The following DSCAM variants were observed in gnomAD, a reference collection of about 807,000 sequenced individuals.
DSCAM encodes the protein cell adhesion molecule DSCAM.
In DSCAM, 47 loss-of-function variants were observed where a neutral mutation model predicts 217.7. The observed-to-expected ratio is 0.22, with a 90% CI of 0.17 to 0.28. DSCAM has a LOEUF of 0.28. Ranked by LOEUF, DSCAM falls within the 10% of genes least tolerant of loss-of-function variation. DSCAM has a pLI of 1.00. For synonymous variants in DSCAM, 1,056 were observed against 1,015.3 expected, an observed-to-expected ratio of 1.04 and a Z score of -0.76; for missense variants, 2,080 against 2,618.3, an observed-to-expected ratio of 0.79 and a Z score of 4.49.
chr21:40,788,475 T>C (rs2091612241), intron 1 of DSCAM, among the ~76,000 whole-genome samples: 1 of 152,222 alleles, frequency 6.6e-6, no homozygotes, highest in Non-Finnish European at 1.5e-5. Context: ...AATGGGAACA[T>C]AAGCATGGCC....
intron 19 of DSCAM, among the ~76,000 whole-genome samples, chr21:40,131,662 C>T (rs150654107): frequency 3.9e-5 from 6 of 152,192 alleles, no homozygotes; most frequent in Admixed American, 1.3e-4. Flanking sequence ...TGGCCTCAAG[C>T]GATCCACCAC....
chr21:40,537,483 T>C (rs551631374), intron 3 of DSCAM, among the ~76,000 whole-genome samples: 97 of 152,300 alleles, frequency 6.4e-4, no homozygotes, highest in African/African-American at 2.2e-3. Flanking sequence ...ATAGGAATTA[T>C]ATTCCCCACC....
chr21:40,236,262 C>T (rs1419955995), intron 11 of DSCAM, among the ~76,000 whole-genome samples: 1 of 152,164 alleles, frequency 6.6e-6, no homozygotes, highest in Non-Finnish European at 1.5e-5. Flanking sequence ...AAAGAGGAAA[C>T]TTAATCAACA....
chr21:40,051,830 T>A (rs1181284417), intron 30 of DSCAM, 128 bp downstream of exon 30: 2 of 1,232,406 alleles, frequency 1.6e-6, no homozygotes, highest in Non-Finnish European at 2.2e-6. Flanking sequence ...TTAGGGATGT[T>A]ATTATACCCA....
Position 40,727,587 on chromosome 21 carries a change from A to G in DSCAM, c.44-18816T>C, listed in dbSNP as rs562018551. ...AGTCTCTTAGCTGTACCCTCAAAAT[A>G]TACCCTGCATCTGCCTTGTGCCATC... is the stretch of plus-strand genomic sequence containing the variant. On this transcript the variant is annotated intron_variant, in intron 1 of 32. Coordinates refer to ENST00000400454, the MANE Select transcript of DSCAM (RefSeq NM_001389.5). Among the ~76,000 whole-genome samples the G allele has an allele frequency of 9.9e-5, 15 of 152,138 alleles. No individual in the cohort carries two copies. The South Asian group carries it at 2.9e-3, about 29-fold the overall frequency.
At chr21:40,387,835 TTAGA>T (rs2075100693) in intron 3 of DSCAM, among the ~76,000 whole-genome samples, 2 of 152,036 alleles carry the variant, frequency 1.3e-5, no homozygotes, top group African/African-American at 4.8e-5. Context: ...GATACAAATA[TTAGA>T]TAAACAATAA....
rs947712955 is a variant in DSCAM, at chr21:40,167,111, TAA to T, written c.3018+105_3018+106del. The T allele has an allele frequency of 2.3e-5, 23 of 999,416 alleles. No homozygotes were observed. In the African/African-American group the frequency reaches 3.8e-4, roughly 16 times the overall value. 61.9% of individuals were successfully genotyped at this position (999,416 alleles called of 1,614,324 possible). On this transcript the variant is annotated intron_variant, in intron 16 of 32. Transcript: ENST00000400454. The stretch of plus-strand genomic sequence containing the variant: ...GGCTTTCAACTTAATTTTGAAAAAA[TAA>T]AAGTTTTGTAAAATTCGAGAGTCTT...
chr21:40,307,076 T>C (rs2074085763), intron 9 of DSCAM, among the ~76,000 whole-genome samples: 1 of 152,206 alleles, frequency 6.6e-6, no homozygotes, highest in East Asian at 1.9e-4. Context: ...TGGTCCTGGA[T>C]TCTTTTTGGA....
chr21:40,108,375 C>A (rs1448437050), intron 20 of DSCAM, among the ~76,000 whole-genome samples: 1 of 152,052 alleles, frequency 6.6e-6, no homozygotes, highest in African/African-American at 2.4e-5. Context: ...AGCTGAGAGC[C>A]AAATCAGGAA....
chr21:40,376,639 TATAG>T (rs1237463730), intron 3 of DSCAM, among the ~76,000 whole-genome samples: 1 of 50,626 alleles, frequency 2.0e-5, no homozygotes, highest in East Asian at 6.2e-4. Context: ...ATATATCTTA[TATAG>T]ATATCGATAT....
At chr21:40,051,351 T>C (rs2088927500) in intron 30 of DSCAM, among the ~76,000 whole-genome samples, 1 of 152,218 alleles carries the variant, frequency 6.6e-6, no homozygotes, top group Admixed American at 6.5e-5. Context: ...ATATTATGGA[T>C]GCAAATATTA....
intron 1 of DSCAM, among the ~76,000 whole-genome samples, chr21:40,717,901 C>CT (rs2090859416): frequency 6.6e-6 from 1 of 152,138 alleles, no homozygotes; most frequent in East Asian, 1.9e-4. Flanking sequence ...AAAGTAAACA[C>CT]TGAGTAGACA....
At chr21:40,422,804 GAAGTA>G (rs2075437439) in intron 3 of DSCAM, among the ~76,000 whole-genome samples, 1 of 152,182 alleles carries the variant, frequency 6.6e-6, no homozygotes, top group Admixed American at 6.5e-5. Flanking sequence ...GTTTTTCCAA[GAAGTA>G]AAGGTCTTGC....
intron 16 of DSCAM, 41 bp downstream of exon 16, chr21:40,167,177 G>C (rs1298966525): frequency 1.9e-6 from 3 of 1,575,900 alleles, no homozygotes; most frequent in South Asian, 2.2e-5. Context: ...GGCTCGCCCT[G>C]GGGGGAAAGC....
intron 8 of DSCAM, among the ~76,000 whole-genome samples, chr21:40,337,498 T>A (rs2074440825): frequency 6.6e-6 from 1 of 152,234 alleles, no homozygotes; most frequent in Non-Finnish European, 1.5e-5. Flanking sequence ...TTATTGTTTT[T>A]TTCTGGTAAG....
At chr21:40,294,891 T>C (rs886177975) in intron 10 of DSCAM, among the ~76,000 whole-genome samples, 3 of 152,142 alleles carry the variant, frequency 2.0e-5, no homozygotes, top group African/African-American at 7.2e-5. Flanking sequence ...TGGTGTGTGG[T>C]GTGTGACAGG....
At chr21:40,040,522 CTGGG>C (rs1281160136) in intron 32 of DSCAM, among the ~76,000 whole-genome samples, 1 of 152,122 alleles carries the variant, frequency 6.6e-6, no homozygotes, top group Non-Finnish European at 1.5e-5. Flanking sequence ...AAGTACTTAA[CTGGG>C]TGACACACAA....
At chr21:40,572,022 A>G (rs2076810247) in intron 3 of DSCAM, among the ~76,000 whole-genome samples, 1 of 152,172 alleles carries the variant, frequency 6.6e-6, no homozygotes, top group Admixed American at 6.5e-5. Context: ...AAAAGATCTG[A>G]AATCTAAAAC....
At chr21:40,346,627 T>C (rs895007250) in intron 6 of DSCAM, among the ~76,000 whole-genome samples, 5 of 152,302 alleles carry the variant, frequency 3.3e-5, no homozygotes, top group African/African-American at 7.2e-5. Flanking sequence ...ATAGCTTCTT[T>C]CTCTGGCTGA....
Sources: allele counts gnomAD v4.1 joint callset (sites outside exome capture counted in the v4.1 genomes callset), GRCh38; gene constraint gnomAD v4.1.1; transcripts MANE v1.5; gene names NCBI Gene and HGNC (gene_info 2026-07-23, HGNC 2026-07-21).